The following MYT1L variants were observed in gnomAD, a reference collection of about 807,000 sequenced individuals.
The protein encoded by MYT1L is myelin transcription factor 1 like, also known as myelin transcription factor 1-like protein.
Under a neutral mutation model 126.7 loss-of-function variants are expected in MYT1L, and 12 were observed. The observed-to-expected ratio is 0.09, with a 90% CI of 0.06 to 0.15. The LOEUF is 0.15. MYT1L is among the 10% of genes least tolerant of loss of function. The pLI, the probability that MYT1L is intolerant of heterozygous loss-of-function variation, is 1.00. For synonymous variants in MYT1L, 541 were observed against 604.2 expected, an observed-to-expected ratio of 0.90 and a Z score of 1.53; for missense variants, 979 against 1,585.2, an observed-to-expected ratio of 0.62 and a Z score of 6.49.
intron 21 of MYT1L, among the ~76,000 whole-genome samples, chr2:1,824,071 C>T (rs1273357266): frequency 6.6e-6 from 1 of 152,196 alleles, no homozygotes; most frequent in Non-Finnish European, 1.5e-5. Flanking sequence ...GTGCCAAGCC[C>T]TCTCCATGGG....
intron 3 of MYT1L, among the ~76,000 whole-genome samples, chr2:2,106,085 T>C (rs2078716531): frequency 6.6e-6 from 1 of 152,164 alleles, no homozygotes; most frequent in Non-Finnish European, 1.5e-5. Flanking sequence ...ACCACTGCAG[T>C]GTGGAGCACC....
At position 1,909,472 on chromosome 2, in the gene MYT1L, T is replaced by C. The variant is rs181849825; in HGVS notation, c.1817+768A>G. Among the ~76,000 whole-genome samples, 273 of 152,288 alleles carry C rather than the reference T, an allele frequency of 1.8e-3. 1 individual carries two copies. The highest frequency in any genetic ancestry group is 6.4e-3 in the African/African-American group (265 of 41,580). On this transcript the variant is annotated intron_variant, in intron 13 of 24. Coordinates refer to ENST00000647738, the MANE Select transcript of MYT1L (RefSeq NM_001303052.2). ...AGGACGCGTGTTTCTGCTGTGATGT[T>C]GTGTGAAAAGGCAGGATATGTGACA...
intron 3 of MYT1L, among the ~76,000 whole-genome samples, chr2:2,086,465 C>G (rs776448734): frequency 6.6e-6 from 1 of 152,160 alleles, no homozygotes; most frequent in Non-Finnish European, 1.5e-5. Flanking sequence ...CAGTTAATCT[C>G]GGAACAGAAA....
chr2:2,022,190 T>C (rs2065104658), intron 4 of MYT1L, among the ~76,000 whole-genome samples: 1 of 152,124 alleles, frequency 6.6e-6, no homozygotes, highest in African/African-American at 2.4e-5. Flanking sequence ...CAGGCACACA[T>C]CTACTGAGGC....
chr2:1,984,028 G>C (rs1244746301), intron 5 of MYT1L, among the ~76,000 whole-genome samples: 2 of 152,066 alleles, frequency 1.3e-5, no homozygotes, highest in Non-Finnish European at 2.9e-5. Flanking sequence ...TGAATTTAAG[G>C]AATCTATTTT....
At chr2:2,130,004 A>C (rs544858747) in intron 3 of MYT1L, among the ~76,000 whole-genome samples, 1 of 152,250 alleles carries the variant, frequency 6.6e-6, no homozygotes, top group African/African-American at 2.4e-5. Flanking sequence ...ATAAATTTTA[A>C]TTTTCTACGT....
intron 3 of MYT1L, among the ~76,000 whole-genome samples, chr2:2,136,566 C>T (rs2083083338): frequency 6.6e-6 from 1 of 152,200 alleles, no homozygotes; most frequent in Non-Finnish European, 1.5e-5. Flanking sequence ...GTTAGCAGAG[C>T]TCAATTTCTT....
intron 21 of MYT1L, among the ~76,000 whole-genome samples, chr2:1,820,874 C>T (rs1001565186): frequency 6.6e-6 from 1 of 152,090 alleles, no homozygotes; most frequent in Non-Finnish European, 1.5e-5. Flanking sequence ...GGAGATTATT[C>T]TCAATACTCT....
chr2:2,120,595 G>A (rs2080857879), intron 3 of MYT1L, among the ~76,000 whole-genome samples: 1 of 151,908 alleles, frequency 6.6e-6, no homozygotes, highest in African/African-American at 2.4e-5. Context: ...ACACTGTGAG[G>A]GATGGATGTG....
intron 3 of MYT1L, among the ~76,000 whole-genome samples, chr2:2,072,336 A>C (rs2074701925): frequency 6.6e-6 from 1 of 152,200 alleles, no homozygotes; most frequent in South Asian, 2.1e-4. Flanking sequence ...CACTTCAATG[A>C]ATTTCATATT....
At chr2:1,904,862 C>T (rs537943640) in intron 13 of MYT1L, among the ~76,000 whole-genome samples, 7 of 151,386 alleles carry the variant, frequency 4.6e-5, no homozygotes, top group Non-Finnish European at 1.0e-4. Context: ...GGTGCGATCT[C>T]GGCTCACTGC....
At chr2:1,898,908 A>C (rs762424583) in intron 14 of MYT1L, among the ~76,000 whole-genome samples, 4 of 152,216 alleles carry the variant, frequency 2.6e-5, no homozygotes, top group Admixed American at 1.3e-4. Context: ...GAATGAGCTG[A>C]GTCTGCAGCT....
chr2:2,309,770 C>G (rs1229552119), intron 1 of MYT1L, among the ~76,000 whole-genome samples: 1 of 151,976 alleles, frequency 6.6e-6, no homozygotes, highest in African/African-American at 2.4e-5. Flanking sequence ...TCTGTCTATA[C>G]TCCACCTACA....
At chr2:2,064,593 G>A (rs963745942) in intron 3 of MYT1L, among the ~76,000 whole-genome samples, 1 of 151,978 alleles carries the variant, frequency 6.6e-6, no homozygotes, top group Admixed American at 6.6e-5. Context: ...GGAGTTTTTT[G>A]TGAGTTTTTT....
intron 23 of MYT1L, among the ~76,000 whole-genome samples, chr2:1,794,691 G>A (rs1252299419): frequency 6.6e-6 from 1 of 152,174 alleles, no homozygotes; most frequent in African/African-American, 2.4e-5. Context: ...ATCTTCCTAT[G>A]TTCAGGAATC....
Position 2,088,099 on chromosome 2 carries a change from G to A in MYT1L, c.-303-33976C>T, listed in dbSNP as rs922710677. Among the ~76,000 whole-genome samples the A allele has an allele frequency of 3.3e-5, 5 of 152,324 alleles. No individual in the cohort carries two copies. The South Asian group carries it at 6.2e-4, about 19-fold the overall frequency. On this transcript the variant is annotated intron_variant, in intron 3 of 24. Transcript: ENST00000647738. The stretch of plus-strand genomic sequence containing the variant: ...GAAGAGTGCCCAGCACATGGTGAGC[G>A]GCACATGAGTGTGGCTCGTTACAGC...
chr2:1,811,370 A>ATCTTCAGCTCTGGCG lies in MYT1L; in HGVS notation c.3081-2204_3081-2203insCGCCAGAGCTGAAGA, dbSNP rs1553396867. The ATCTTCAGCTCTGGCG allele has an allele frequency of 6.8e-6, 1 of 147,078 alleles. No homozygotes were observed. The highest frequency in any genetic ancestry group is 1.5e-5 in the Non-Finnish European group (1 of 66,964). The allele number at this position is 147,078 out of a possible 1,614,324, so 9.1% of individuals were successfully genotyped here. A position where few individuals can be genotyped will look rare whatever the true frequency, so the allele number is the denominator to read the frequency against. On this transcript the variant is annotated intron_variant, in intron 21 of 24. Coordinates refer to ENST00000647738, the MANE Select transcript of MYT1L (RefSeq NM_001303052.2). The surrounding 1 kb of genome is among the most constrained non-coding windows in gnomAD (Gnocchi z 4.4). ...TAACCCCAGCGTCATCAGCTCCAGC[A>ATCTTCAGCTCTGGCG]TCATCAGCTCTGGCGTCATCAGCTC...
At chr2:2,244,893 C>T (rs756517585) in intron 2 of MYT1L, among the ~76,000 whole-genome samples, 1 of 152,164 alleles carries the variant, frequency 6.6e-6, no homozygotes, top group Non-Finnish European at 1.5e-5. Flanking sequence ...GAGATGGCTA[C>T]CATATTATTT....
chr2:1,975,733 G>A (rs112531732), intron 8 of MYT1L, among the ~76,000 whole-genome samples: 22,728 of 152,052 alleles, frequency 0.15, 1,736 homozygotes, highest in East Asian at 0.31. Flanking sequence ...GCGTGGTGGC[G>A]CACACTTGTA....
Sources: allele counts gnomAD v4.1 joint callset (sites outside exome capture counted in the v4.1 genomes callset), GRCh38; gene constraint gnomAD v4.1.1; non-coding constraint Gnocchi (gnomAD v3.1); transcripts MANE v1.5; gene names NCBI Gene and HGNC (gene_info 2026-07-23, HGNC 2026-07-21).